The following CMKLR2 variants were observed in gnomAD, a reference collection of about 807,000 sequenced individuals.
CMKLR2 encodes the protein chemerin chemokine-like receptor 2.
Under a neutral mutation model 23.0 loss-of-function variants are expected in CMKLR2, and 18 were observed. The ratio of observed to expected loss-of-function variants is 0.78; its 90% CI spans 0.54 to 1.16. CMKLR2 has a LOEUF of 1.16. Among genes scored for constraint, CMKLR2 ranks in the 50% most tolerant of loss-of-function variants. The pLI is 0.00. For missense variants in CMKLR2, 401 were observed against 412.7 expected (o/e 0.97, Z 0.25); for synonymous variants, 158 against 158.9 (o/e 0.99, Z 0.05).
chr2:206,181,413 A>G (rs1026522129), intron 1 of CMKLR2, among the ~76,000 whole-genome samples: 1 of 151,906 alleles, frequency 6.6e-6, no homozygotes, highest in Admixed American at 6.6e-5. Context: ...GGCTGGATTC[A>G]AATTCCTGAG....
chr2:206,211,729 A>G (rs149308312), intron 1 of CMKLR2, among the ~76,000 whole-genome samples: 1 of 151,334 alleles, frequency 6.6e-6, no homozygotes, highest in African/African-American at 2.4e-5. Flanking sequence ...GATGGCATAT[A>G]TAAAACAAAA....
intron 1 of CMKLR2, among the ~76,000 whole-genome samples, chr2:206,189,171 A>G (rs7608511): frequency 0.52 from 79,067 of 152,060 alleles, 20,847 homozygotes; most frequent in African/African-American, 0.58. Context: ...CTCTAAGCTG[A>G]TTTGAACAGA....
chr2:206,204,421 T>C (rs146538905), intron 1 of CMKLR2, among the ~76,000 whole-genome samples: 256 of 152,022 alleles, frequency 1.7e-3, no homozygotes, highest in African/African-American at 5.9e-3. Flanking sequence ...CATTACATTG[T>C]ATTATGAAAT....
At position 206,202,333 on chromosome 2, in the gene CMKLR2, T is replaced by A. The variant is rs112351164; in HGVS notation, c.-29+10974A>T. ...TACTAAGTTTTTTGAAGGGATGGGG[T>A]GACATGGAGGCTATAGAGAGAAGAC... On this transcript the variant is annotated intron_variant, in intron 1 of 1. Transcript: ENST00000621141. 5.4e-3 allele frequency among the ~76,000 whole-genome samples: 821 copies of A among 152,190 alleles called. 8 individuals are homozygous for A. The highest frequency in any genetic ancestry group is 0.019 in the African/African-American group (784 of 41,510).
chr2:206,214,139 C>A (rs1368519874), upstream of CMKLR2, among the ~76,000 whole-genome samples: 3 of 144,508 alleles, frequency 2.1e-5, no homozygotes, highest in Non-Finnish European at 4.5e-5. Flanking sequence ...CAGGCATGAA[C>A]CACCACGCCT....
chr2:206,187,538 A>G (rs1688619903), intron 1 of CMKLR2, among the ~76,000 whole-genome samples: 1 of 152,194 alleles, frequency 6.6e-6, no homozygotes, highest in Admixed American at 6.5e-5. Flanking sequence ...ATTTCTGCCG[A>G]CTTAAATTTA....
chr2:206,183,178 C>A (rs1354453522), intron 1 of CMKLR2, among the ~76,000 whole-genome samples: 1 of 152,104 alleles, frequency 6.6e-6, no homozygotes, highest in Non-Finnish European at 1.5e-5. Context: ...TGATCTGTTC[C>A]TTTAGGCTGT....
chr2:206,214,722 A>C (rs1395409423), upstream of CMKLR2, among the ~76,000 whole-genome samples: 2 of 151,478 alleles, frequency 1.3e-5, no homozygotes, highest in South Asian at 2.1e-4. Context: ...CTTCTGGGTT[A>C]ACGCCATTCT....
chr2:206,203,468 C>A (rs577198690), intron 1 of CMKLR2: 1 of 152,234 alleles, frequency 6.6e-6, no homozygotes, highest in South Asian at 2.1e-4. Flanking sequence ...CATTAATTTC[C>A]AATGGCCAGT....
At chr2:206,182,931 A>G (rs1688462163) in intron 1 of CMKLR2, among the ~76,000 whole-genome samples, 1 of 152,070 alleles carries the variant, frequency 6.6e-6, no homozygotes, top group Non-Finnish European at 1.5e-5. Context: ...CCACAGTTCT[A>G]TCATCAGGAT....
At chr2:206,185,091 G>A (rs1318758001) in intron 1 of CMKLR2, among the ~76,000 whole-genome samples, 1 of 151,966 alleles carries the variant, frequency 6.6e-6, no homozygotes, top group African/African-American at 2.4e-5. Context: ...GGGTTCCAGC[G>A]ATTCTCCTGC....
intron 1 of CMKLR2, among the ~76,000 whole-genome samples, chr2:206,189,720 T>C (rs1688691984): frequency 6.6e-6 from 1 of 151,948 alleles, no homozygotes; most frequent in African/African-American, 2.4e-5. Context: ...AAACCACAGA[T>C]CCATGACCTA....
intron 1 of CMKLR2, among the ~76,000 whole-genome samples, chr2:206,200,193 G>C (rs545724407): frequency 9.2e-5 from 14 of 152,066 alleles, no homozygotes; most frequent in African/African-American, 3.1e-4. Context: ...GGAGGCTGAG[G>C]CGGGCGGATC....
intron 1 of CMKLR2, among the ~76,000 whole-genome samples, chr2:206,211,089 C>T (rs141668364): frequency 6.6e-6 from 1 of 152,254 alleles, no homozygotes; most frequent in Non-Finnish European, 1.5e-5. Context: ...GCCAGGTTGT[C>T]TACCTCCTTT....
chr2:206,189,500 T>G (rs1426274650), intron 1 of CMKLR2, among the ~76,000 whole-genome samples: 1 of 151,998 alleles, frequency 6.6e-6, no homozygotes, highest in Non-Finnish European at 1.5e-5. Context: ...GTGGGTGTGG[T>G]TGTGCGTGCC....
upstream of CMKLR2, among the ~76,000 whole-genome samples, chr2:206,214,052 C>T (rs1337164722): frequency 2.0e-5 from 3 of 151,954 alleles, no homozygotes; most frequent in Non-Finnish European, 4.4e-5. Flanking sequence ...CGGGGTTTCA[C>T]CACGTTGGCC....
chr2:206,199,639 A>G (rs1213728810), intron 1 of CMKLR2, among the ~76,000 whole-genome samples: 3 of 147,888 alleles, frequency 2.0e-5, no homozygotes, highest in Non-Finnish European at 3.0e-5. Flanking sequence ...TCTGTCTCCC[A>G]GGCTGGAGTG....
Position 206,176,514 on chromosome 2 carries a change from A to G in CMKLR2, c.734T>C (p.Phe245Ser). The G allele has an allele frequency of 6.2e-7, 1 of 1,614,180 alleles. No individual in the cohort carries two copies. The highest frequency in any genetic ancestry group is 8.5e-7 in the Non-Finnish European group (1 of 1,180,030). The change falls in exon 2 of 2, where the codon TTC becomes TCC. Residue 245 changes from phenylalanine to serine, a missense_variant. Coordinates refer to ENST00000621141, the MANE Select transcript of CMKLR2 (RefSeq NM_001389445.1). ...KRSILISSRH[F>S]WTILVVVVAF... ...CACAACCACAACCAGAATTGTCCAG[A>G]AATGCCTACTGGAGATCAGGATGCT...
chr2:206,205,688 G>GTATTAT (rs112037410), intron 1 of CMKLR2, among the ~76,000 whole-genome samples: 40 of 150,688 alleles, frequency 2.7e-4, no homozygotes, highest in Admixed American at 8.6e-4. Context: ...AGTGTTCGGT[G>GTATTAT]TATTATTATT....
Sources: allele counts gnomAD v4.1 joint callset (sites outside exome capture counted in the v4.1 genomes callset), GRCh38; gene constraint gnomAD v4.1.1; transcripts MANE v1.5; gene names NCBI Gene and HGNC (gene_info 2026-07-23, HGNC 2026-07-21).